CFAP58: variants seen among roughly 807,000 people sequenced by gnomAD.
CFAP58 encodes cilia and flagella associated protein 58.
A neutral mutation model predicts 119.5 loss-of-function variants in CFAP58; 88 were observed. That is an observed-to-expected ratio of 0.74 (90% CI 0.62 to 0.88). CFAP58 has a LOEUF of 0.88. Ranked by LOEUF, CFAP58 falls within the 40% of genes least tolerant of loss-of-function variation. The pLI is 0.00. For synonymous variants in CFAP58, 365 were observed against 366.3 expected (o/e 1.00, Z 0.04); for missense variants, 990 against 1,021.2 (o/e 0.97, Z 0.42).
At chr10:104,398,140 A>G (rs1481195748) in intron 11 of CFAP58, among the ~76,000 whole-genome samples, 1 of 152,212 alleles carries the variant, frequency 6.6e-6, no homozygotes, top group Non-Finnish European at 1.5e-5. Context: ...TCTTCCCTCT[A>G]AACCCCAGGC....
chr10:104,429,196 G>A (rs1047094535), intron 15 of CFAP58, among the ~76,000 whole-genome samples: 11 of 152,136 alleles, frequency 7.2e-5, no homozygotes, highest in African/African-American at 2.7e-4. Flanking sequence ...GGGGTGGCAG[G>A]TGCTGTGGGG....
chr10:104,359,660 G>A (rs993686697), intron 2 of CFAP58, among the ~76,000 whole-genome samples: 2 of 152,160 alleles, frequency 1.3e-5, no homozygotes, highest in Admixed American at 6.5e-5. Flanking sequence ...AGCTGGGCGT[G>A]GTGGCATATG....
rs1427213351 is a variant in CFAP58, at chr10:104,364,803, A to G, written c.511A>G (p.Lys171Glu). 1 of 1,612,904 alleles carries G rather than the reference A, an allele frequency of 6.2e-7. No homozygotes were observed. Among genetic ancestry groups the G allele is most frequent in the Admixed American group, 1.7e-5 (1 of 59,760 alleles). The part of the protein sequence containing the change: ...ERDQLLSEVV[K>E]LRESLAQTTE... ...AGACCAGCTCTTATCAGAAGTGGTA[A>G]AATTACGAGAATCCCTAGCTCAGAC... Residue 171 changes from lysine (K) to glutamate (E), a missense_variant, in exon 4 of 18, where the codon AAA becomes GAA. Physicochemically the swap from Lys to Glu is moderately conservative, Grantham distance 56 (BLOSUM62 1). Coordinates refer to ENST00000369704, the MANE Select transcript of CFAP58 (RefSeq NM_001008723.2).
intron 9 of CFAP58, among the ~76,000 whole-genome samples, chr10:104,391,696 A>G (rs903995601): frequency 6.6e-6 from 1 of 152,192 alleles, no homozygotes; most frequent in South Asian, 2.1e-4. Flanking sequence ...CTTTGTGCAC[A>G]ATAGAATGCA....
chr10:104,400,915 T>C lies in CFAP58; in HGVS notation c.2039+12T>C. 1 of 1,605,482 alleles carries C rather than the reference T, an allele frequency of 6.2e-7. No homozygotes were observed. Among genetic ancestry groups the C allele is most frequent in the Non-Finnish European group, 8.5e-7 (1 of 1,172,628 alleles). The stretch of plus-strand genomic sequence containing the variant: ...GTTGAAGAACTCAGGTAATAGATTA[T>C]AGAACTCAGGGCTGAAGGCACAGTG... On this transcript the variant is annotated intron_variant, in intron 13 of 17. Transcript: ENST00000369704.
At chr10:104,382,539 G>A (rs1055918808) in intron 9 of CFAP58, among the ~76,000 whole-genome samples, 1 of 152,106 alleles carries the variant, frequency 6.6e-6, no homozygotes, top group Admixed American at 6.6e-5. Flanking sequence ...TCATATCACA[G>A]CATATATAAA....
At chr10:104,360,785 C>T (rs1468810262) in intron 2 of CFAP58, among the ~76,000 whole-genome samples, 1 of 152,166 alleles carries the variant, frequency 6.6e-6, no homozygotes, top group East Asian at 1.9e-4. Context: ...ACTCTAGCTC[C>T]ATCCATGTCC....
Position 104,358,201 on chromosome 10 carries a change from A to G in CFAP58, c.10-140A>G, listed in dbSNP as rs931654415. 3.8e-5 allele frequency: 29 copies of G among 759,554 alleles called. No homozygotes were observed. The African/African-American group carries it at 5.2e-4, about 14-fold the overall frequency. 47.1% of individuals were successfully genotyped at this position (759,554 alleles called of 1,614,324 possible). The stretch of plus-strand genomic sequence containing the variant: ...TGAACAAGGACCTTTCCTGTCATAT[A>G]ATCTTAATTTTTCTGCTTATCAGTG... On this transcript the variant is annotated intron_variant, in intron 1 of 17. Coordinates refer to ENST00000369704, the MANE Select transcript of CFAP58 (RefSeq NM_001008723.2).
chr10:104,438,683 G>C (rs186345851), intron 15 of CFAP58, among the ~76,000 whole-genome samples: 1 of 152,108 alleles, frequency 6.6e-6, no homozygotes, highest in Non-Finnish European at 1.5e-5. Context: ...CCCATCAATG[G>C]GAATTTTTAT....
chr10:104,454,391 AG>A, intron 17 of CFAP58, 30 bp from the exon 18 acceptor site: 2 of 1,539,786 alleles, frequency 1.3e-6, no homozygotes. Context: ...AAGGATGTTA[AG>A]GAAGCTAACT....
intron 15 of CFAP58, among the ~76,000 whole-genome samples, chr10:104,432,335 C>T (rs1432145799): frequency 2.0e-5 from 3 of 152,050 alleles, no homozygotes; most frequent in Non-Finnish European, 4.4e-5. Context: ...GCAAACAGTT[C>T]ACAAAGGAAG....
the CFAP58 span, among the ~76,000 whole-genome samples, chr10:104,338,703 A>T: frequency 1.3e-5 from 2 of 152,226 alleles, no homozygotes; most frequent in African/African-American, 4.8e-5. Flanking sequence ...GGGCGCGGGG[A>T]GGACGCCCTT....
At position 104,439,024 on chromosome 10, in the gene CFAP58, C is replaced by T. The variant is rs2012990839; in HGVS notation, c.2257-8674C>T. ...CAAGCAAGCCAAAGAAAACTAGATA[C>T]ACTCAGATATATTTTCATAAAGCTC... On this transcript the variant is annotated intron_variant, in intron 15 of 17. Transcript: ENST00000369704. Among the ~76,000 whole-genome samples the T allele has an allele frequency of 2.6e-5, 4 of 152,248 alleles. 1 individual carries two copies. In the South Asian group the frequency reaches 8.3e-4, roughly 32 times the overall value.
chr10:104,418,760 G>A (rs1211408146), intron 15 of CFAP58, among the ~76,000 whole-genome samples: 1 of 152,110 alleles, frequency 6.6e-6, no homozygotes, highest in African/African-American at 2.4e-5. Flanking sequence ...TGGCCCAGTT[G>A]CTGGTAGTGT....
At chr10:104,444,338 G>A (rs1187470319) in intron 15 of CFAP58, among the ~76,000 whole-genome samples, 1 of 152,226 alleles carries the variant, frequency 6.6e-6, no homozygotes, top group Non-Finnish European at 1.5e-5. Flanking sequence ...TAGTAAAGAA[G>A]GACAGGATAT....
chr10:104,348,752 A>G, the CFAP58 span, among the ~76,000 whole-genome samples: 2 of 152,166 alleles, frequency 1.3e-5, no homozygotes, highest in Non-Finnish European at 2.9e-5. Context: ...TCTAACTCAT[A>G]CATATCATTT....
At chr10:104,415,160 G>C (rs1564897820) in intron 15 of CFAP58, among the ~76,000 whole-genome samples, 1 of 152,152 alleles carries the variant, frequency 6.6e-6, no homozygotes, top group Non-Finnish European at 1.5e-5. Flanking sequence ...GCTCTGGAGT[G>C]GGCAGGTGTC....
Position 104,396,928 on chromosome 10 carries a change from A to G in CFAP58, c.1675-2432A>G, listed in dbSNP as rs1482019666. On this transcript the variant is annotated intron_variant, in intron 11 of 17. Coordinates refer to ENST00000369704, the MANE Select transcript of CFAP58 (RefSeq NM_001008723.2). ...CAATGTCTAATGCCACATCTTGTTT[A>G]CAGCCCATAAATTTATGACATAAGG... 2.0e-5 allele frequency among the ~76,000 whole-genome samples: 3 copies of G among 152,234 alleles called. No individual in the cohort carries two copies. In the East Asian group the frequency reaches 5.8e-4, roughly 29 times the overall value.
intron 15 of CFAP58, among the ~76,000 whole-genome samples, chr10:104,430,391 G>C (rs1564902311): frequency 6.6e-6 from 1 of 152,198 alleles, no homozygotes; most frequent in South Asian, 2.1e-4. Context: ...AACACTAGGA[G>C]CCTGACAACA....
Sources: allele counts gnomAD v4.1 joint callset (sites outside exome capture counted in the v4.1 genomes callset), GRCh38; gene constraint gnomAD v4.1.1; transcripts MANE v1.5; gene names NCBI Gene and HGNC (gene_info 2026-07-23, HGNC 2026-07-21).